The following FBXL17 variants were observed in gnomAD, a reference collection of about 807,000 sequenced individuals.
FBXL17 encodes the protein F-box and leucine rich repeat protein 17.
In FBXL17, 22 loss-of-function variants were observed where a neutral mutation model predicts 66.2. The observed-to-expected ratio is 0.33, with a 90% confidence interval of 0.24 to 0.47. FBXL17 has a LOEUF of 0.47. FBXL17 is among the 20% of genes least tolerant of loss of function. FBXL17 has a pLI of 1.00. For missense variants in FBXL17, 878 were observed against 948.2 expected, an observed-to-expected ratio of 0.93 and a Z score of 0.97; for synonymous variants, 474 against 400.5, an observed-to-expected ratio of 1.18 and a Z score of -2.19.
intron 7 of FBXL17, among the ~76,000 whole-genome samples, chr5:107,928,645 TG>T (rs1222239092): frequency 3.9e-5 from 6 of 152,104 alleles, no homozygotes; most frequent in Non-Finnish European, 5.9e-5. Context: ...AATTCATTTT[TG>T]GGGGGAAGGA....
At chr5:108,369,041 C>G (rs1448575433) in intron 1 of FBXL17, among the ~76,000 whole-genome samples, 1 of 152,086 alleles carries the variant, frequency 6.6e-6, no homozygotes, top group African/African-American at 2.4e-5. Flanking sequence ...AAATTGATAG[C>G]TTCTCTTCAC....
At chr5:107,947,864 AC>A (rs960784826) in intron 7 of FBXL17, among the ~76,000 whole-genome samples, 4 of 152,066 alleles carry the variant, frequency 2.6e-5, no homozygotes, top group African/African-American at 7.2e-5. Flanking sequence ...TTTTAAAAAA[AC>A]TCTCTTTTAC....
At chr5:108,133,975 T>C (rs1309927551) in intron 6 of FBXL17, among the ~76,000 whole-genome samples, 2 of 152,142 alleles carry the variant, frequency 1.3e-5, no homozygotes, top group Non-Finnish European at 2.9e-5. Context: ...ATTTGTAATG[T>C]TCTAATACTA....
At chr5:108,081,727 A>T (rs1339467624) in intron 6 of FBXL17, among the ~76,000 whole-genome samples, 2 of 152,096 alleles carry the variant, frequency 1.3e-5, no homozygotes, top group African/African-American at 4.8e-5. Context: ...TGTCTCAAAA[A>T]ATAAATAAAT....
At chr5:108,208,003 C>G (rs1754200807) in intron 5 of FBXL17, among the ~76,000 whole-genome samples, 1 of 152,144 alleles carries the variant, frequency 6.6e-6, no homozygotes, top group African/African-American at 2.4e-5. Context: ...TAATGATTGC[C>G]ATTAATGATC....
At chr5:108,322,992 A>G (rs1019165907) in intron 4 of FBXL17, among the ~76,000 whole-genome samples, 3 of 152,030 alleles carry the variant, frequency 2.0e-5, no homozygotes, top group Admixed American at 1.3e-4. Flanking sequence ...CCCACAGCTA[A>G]TAACATATTC....
In FBXL17 at chr5:107,859,677, G is replaced by T. The variant is rs1748071722; in HGVS notation, c.*2043C>A. 1 of 149,960 alleles carries T rather than the reference G, an allele frequency of 6.7e-6. No individual in the cohort carries two copies. Among genetic ancestry groups the T allele is most frequent in the African/African-American group, 2.5e-5 (1 of 40,714 alleles). 9.3% of individuals were successfully genotyped at this position (149,960 alleles called of 1,614,324 possible). On this transcript the variant is annotated 3_prime_UTR_variant, in exon 9 of 9. Transcript: ENST00000542267. ...GACAACCAAACTGTAACACTCCAAAGGTTATTACAACTTTGAACTGAAATG... is the reference window on the plus strand; with the variant it reads ...GACAACCAAACTGTAACACTCCAAATGTTATTACAACTTTGAACTGAAATG...
chr5:108,218,297 C>T (rs1367659723), intron 5 of FBXL17, among the ~76,000 whole-genome samples: 4 of 151,950 alleles, frequency 2.6e-5, no homozygotes, highest in African/African-American at 9.7e-5. Flanking sequence ...TGTGAGCCAC[C>T]GCGCCTGGCC....
At chr5:108,100,336 AG>A (rs1221589640) in intron 6 of FBXL17, among the ~76,000 whole-genome samples, 1 of 152,190 alleles carries the variant, frequency 6.6e-6, no homozygotes. Context: ...TAAAAAGTAG[AG>A]GGAATAGTAT....
At chr5:108,366,109 A>G (rs986539759) in intron 2 of FBXL17, among the ~76,000 whole-genome samples, 2 of 152,158 alleles carry the variant, frequency 1.3e-5, no homozygotes, top group African/African-American at 2.4e-5. Flanking sequence ...ATGAGAAACA[A>G]TACCTCGCAT....
At chr5:107,971,420 T>C (rs1230924073) in intron 7 of FBXL17, among the ~76,000 whole-genome samples, 7 of 152,178 alleles carry the variant, frequency 4.6e-5, no homozygotes, top group Non-Finnish European at 8.8e-5. Flanking sequence ...TTGATTGTAG[T>C]ATATATGTAG....
chr5:107,973,135 G>A (rs1021589115), intron 7 of FBXL17, among the ~76,000 whole-genome samples: 3 of 152,104 alleles, frequency 2.0e-5, no homozygotes, highest in Non-Finnish European at 2.9e-5. Context: ...TCAGGAAATG[G>A]AGCCTGTTCA....
At chr5:108,074,423 G>A (rs766349862) in intron 6 of FBXL17, among the ~76,000 whole-genome samples, 60 of 150,462 alleles carry the variant, frequency 4.0e-4, no homozygotes, top group Non-Finnish European at 7.2e-4. Flanking sequence ...TTTGGATCCT[G>A]TTTTGGGGAT....
In FBXL17 at chr5:107,859,286, T is replaced by C. The variant is rs906866943; in HGVS notation, c.*2434A>G. On this transcript the variant is annotated 3_prime_UTR_variant, in exon 9 of 9. Coordinates refer to ENST00000542267, the MANE Select transcript of FBXL17 (RefSeq NM_001163315.3). The stretch of plus-strand genomic sequence containing the variant: ...CATTCTAAGCAAAAAAAAGAAACTC[T>C]ATATTGCCCAGAAAAATTATTTTAA... 6.6e-6 allele frequency: 1 copy of C among 151,796 alleles called. No individual in the cohort carries two copies. Among genetic ancestry groups the C allele is most frequent in the African/African-American group, 2.4e-5 (1 of 41,360 alleles). The allele number at this position is 151,796 out of a possible 1,614,324, so 9.4% of individuals were successfully genotyped here.
chr5:108,177,126 C>T (rs1752823046), intron 6 of FBXL17, among the ~76,000 whole-genome samples: 2 of 152,138 alleles, frequency 1.3e-5, no homozygotes, highest in South Asian at 4.1e-4. Flanking sequence ...GATAGTGACA[C>T]ATTTGTAAAA....
intron 6 of FBXL17, among the ~76,000 whole-genome samples, chr5:108,153,408 T>C (rs1261009289): frequency 6.6e-6 from 1 of 152,234 alleles, no homozygotes; most frequent in African/African-American, 2.4e-5. Context: ...GATAAGCTAC[T>C]TCTTTGAATT....
At chr5:108,229,824 A>C (rs905469572) in intron 4 of FBXL17, among the ~76,000 whole-genome samples, 2 of 152,338 alleles carry the variant, frequency 1.3e-5, no homozygotes, top group Non-Finnish European at 2.9e-5. Flanking sequence ...TGCATCTGAC[A>C]AAGGGCTAAT....
At chr5:108,136,739 T>C (rs1751149860) in intron 6 of FBXL17, among the ~76,000 whole-genome samples, 1 of 152,154 alleles carries the variant, frequency 6.6e-6, no homozygotes, top group South Asian at 2.1e-4. Flanking sequence ...TCCCAGAAAT[T>C]TCTGTGAGTG....
chr5:108,193,942 G>T (rs1354594914), intron 5 of FBXL17, among the ~76,000 whole-genome samples: 1 of 150,876 alleles, frequency 6.6e-6, no homozygotes, highest in Non-Finnish European at 1.5e-5. Context: ...ATTCTGTTTT[G>T]CTTTCTAGGA....
Sources: allele counts gnomAD v4.1 joint callset (sites outside exome capture counted in the v4.1 genomes callset), GRCh38; gene constraint gnomAD v4.1.1; transcripts MANE v1.5; gene names NCBI Gene and HGNC (gene_info 2026-07-23, HGNC 2026-07-21).